NKAIN2: variants seen among roughly 807,000 people sequenced by gnomAD.
NKAIN2 encodes sodium/potassium transporting ATPase interacting 2.
Under a neutral mutation model 32.6 loss-of-function variants are expected in NKAIN2, and 14 were observed. That is an observed-to-expected ratio of 0.43 (90% CI 0.28 to 0.67). The LOEUF (loss-of-function observed/expected upper bound fraction) is 0.67. Ranked by LOEUF, NKAIN2 falls within the 30% of genes least tolerant of loss-of-function variation. The pLI, the probability that NKAIN2 is intolerant of heterozygous loss-of-function variation, is 0.17. For synonymous variants in NKAIN2, 80 were observed against 87.2 expected, an observed-to-expected ratio of 0.92 and a Z score of 0.46; for missense variants, 198 against 258.3, an observed-to-expected ratio of 0.77 and a Z score of 1.60.
intron 1 of NKAIN2, among the ~76,000 whole-genome samples, chr6:123,871,196 A>G (rs919034765): frequency 9.9e-5 from 15 of 152,204 alleles, no homozygotes; most frequent in African/African-American, 3.6e-4. Context: ...TGTTGTGACT[A>G]TAAAGTACTC....
chr6:124,149,469 A>T (rs1475033099), intron 1 of NKAIN2, among the ~76,000 whole-genome samples: 1 of 152,196 alleles, frequency 6.6e-6, no homozygotes, highest in African/African-American at 2.4e-5. Flanking sequence ...TTATGGTGAG[A>T]GGTCCTGGTC....
intron 1 of NKAIN2, among the ~76,000 whole-genome samples, chr6:123,967,688 G>A (rs1183970934): frequency 6.6e-6 from 1 of 152,070 alleles, no homozygotes; most frequent in Non-Finnish European, 1.5e-5. Context: ...GAAAAAAAAG[G>A]GGGGGAGTGT....
chr6:124,653,154 T>C (rs1158148300), intron 3 of NKAIN2, among the ~76,000 whole-genome samples: 2 of 152,140 alleles, frequency 1.3e-5, no homozygotes, highest in Non-Finnish European at 2.9e-5. Flanking sequence ...GATTCTAAAG[T>C]ATATAGAGAG....
intron 4 of NKAIN2, among the ~76,000 whole-genome samples, chr6:124,748,591 A>G (rs1342573847): frequency 6.6e-6 from 1 of 151,978 alleles, no homozygotes; most frequent in Non-Finnish European, 1.5e-5. Context: ...AGTGCCAATC[A>G]CTTTTCAGAC....
At chr6:124,342,025 A>G (rs1022789524) in intron 2 of NKAIN2, among the ~76,000 whole-genome samples, 2 of 152,198 alleles carry the variant, frequency 1.3e-5, no homozygotes, top group Admixed American at 1.3e-4. Flanking sequence ...AGCTGAAAAT[A>G]TAATTAACTT....
At position 124,747,619 on chromosome 6, in the gene NKAIN2, T is replaced by C. The variant is rs142195545; in HGVS notation, c.475-43720T>C. On this transcript the variant is annotated intron_variant, in intron 4 of 6. Coordinates refer to ENST00000368417, the MANE Select transcript of NKAIN2 (RefSeq NM_001040214.3). ...AAGAAGAAAACTTGCTTAGCCCATGTATGGGTGTTGCTTAAACAGTTATGA... is the reference window on the plus strand; with the variant it reads ...AAGAAGAAAACTTGCTTAGCCCATGCATGGGTGTTGCTTAAACAGTTATGA... Among the ~76,000 whole-genome samples the C allele has an allele frequency of 7.6e-3, 1,154 of 151,912 alleles. 8 individuals carry two copies. The highest frequency in any genetic ancestry group is 0.011 in the Non-Finnish European group (724 of 67,876).
chr6:124,746,396 G>T (rs1413557517), intron 4 of NKAIN2, among the ~76,000 whole-genome samples: 1 of 151,662 alleles, frequency 6.6e-6, no homozygotes, highest in East Asian at 1.9e-4. Flanking sequence ...GAAGTACAAA[G>T]AACTAAAAGT....
chr6:124,333,521 G>A (rs537695327), intron 2 of NKAIN2, among the ~76,000 whole-genome samples: 5 of 152,142 alleles, frequency 3.3e-5, no homozygotes, highest in Admixed American at 6.6e-5. Context: ...TTAGCTGGGC[G>A]TGGTGGTGGG....
At chr6:124,637,036 G>C (rs1281715887) in intron 3 of NKAIN2, among the ~76,000 whole-genome samples, 3 of 151,902 alleles carry the variant, frequency 2.0e-5, no homozygotes, top group Non-Finnish European at 4.4e-5. Flanking sequence ...AAAGATAATA[G>C]ATGATAATCA....
intron 1 of NKAIN2, among the ~76,000 whole-genome samples, chr6:124,021,096 C>T (rs1780840985): frequency 6.6e-6 from 1 of 151,944 alleles, no homozygotes; most frequent in Non-Finnish European, 1.5e-5. Context: ...TGCCTTTCTA[C>T]TTGTACTTTT....
chr6:123,942,132 A>G lies in NKAIN2; in HGVS notation c.54+137878A>G, dbSNP rs77540920. Among the ~76,000 whole-genome samples, 628 of 152,060 alleles carry G rather than the reference A, an allele frequency of 4.1e-3. 4 individuals are homozygous for G. The highest frequency in any genetic ancestry group is 0.014 in the African/African-American group (597 of 41,540). On this transcript the variant is annotated intron_variant, in intron 1 of 6. Transcript: ENST00000368417. ...ATGAGTCCTAAGAACAGTTGTCCCA[A>G]TGGTTTCATAGTCTAAAATTTGTTA...
rs964158886 is a variant in NKAIN2, at chr6:124,483,254, C to A, written c.273+127907C>A. The stretch of plus-strand genomic sequence containing the variant: ...TCCGATGATCATATGACTTATTTTG[C>A]CAACATCACTCCATAAGTCATAGCC... On this transcript the variant is annotated intron_variant, in intron 3 of 6. Transcript: ENST00000368417. 5.3e-5 allele frequency among the ~76,000 whole-genome samples: 8 copies of A among 152,200 alleles called. No individual in the cohort carries two copies. In the East Asian group the frequency reaches 1.2e-3, roughly 22 times the overall value.
intron 3 of NKAIN2, among the ~76,000 whole-genome samples, chr6:124,579,448 A>AT (rs1262049870): frequency 9.8e-5 from 15 of 152,364 alleles, no homozygotes; most frequent in African/African-American, 3.4e-4. Flanking sequence ...CAGCTGAAAA[A>AT]TGCATACTGA....
intron 1 of NKAIN2, among the ~76,000 whole-genome samples, chr6:124,000,181 T>C (rs1779814716): frequency 6.6e-6 from 1 of 152,110 alleles, no homozygotes; most frequent in Admixed American, 6.5e-5. Flanking sequence ...GGTAACGATA[T>C]AATAACAAGG....
intron 3 of NKAIN2, among the ~76,000 whole-genome samples, chr6:124,517,712 A>G (rs9372781): frequency 6.6e-6 from 1 of 152,126 alleles, no homozygotes; most frequent in Non-Finnish European, 1.5e-5. Context: ...AGAAGAAAAT[A>G]ATCATATTAC....
At chr6:123,980,815 T>A (rs1354152033) in intron 1 of NKAIN2, among the ~76,000 whole-genome samples, 2 of 152,154 alleles carry the variant, frequency 1.3e-5, no homozygotes, top group African/African-American at 2.4e-5. Context: ...CCAAGAAGAA[T>A]GGAATAAGAG....
At chr6:123,819,987 A>G (rs1461443494) in intron 1 of NKAIN2, among the ~76,000 whole-genome samples, 1 of 152,244 alleles carries the variant, frequency 6.6e-6, no homozygotes, top group African/African-American at 2.4e-5. Context: ...TAAAAAAGGT[A>G]GATAAAATTC....
intron 1 of NKAIN2, among the ~76,000 whole-genome samples, chr6:123,886,445 T>C (rs1773716578): frequency 6.6e-6 from 1 of 152,108 alleles, no homozygotes; most frequent in Non-Finnish European, 1.5e-5. Flanking sequence ...TACCTTAGTA[T>C]CTAAGTCCTG....
intron 1 of NKAIN2, among the ~76,000 whole-genome samples, chr6:124,245,437 A>ATATT (rs1793346809): frequency 6.6e-6 from 1 of 152,032 alleles, no homozygotes; most frequent in South Asian, 2.1e-4. Flanking sequence ...TGTTATATAT[A>ATATT]TATTTATGGT....
Sources: gnomAD v4.1 joint callset for allele counts (sites outside exome capture counted in the v4.1 genomes callset) on GRCh38, gnomAD v4.1.1 for gene constraint, MANE v1.5 for transcripts, NCBI Gene and HGNC (gene_info 2026-07-23, HGNC 2026-07-21) for gene names.